Variants in RALGAPA2 observed in about 807,000 individuals in gnomAD.
The protein encoded by RALGAPA2 is Ral GTPase activating protein catalytic subunit alpha 2, also known as ral GTPase-activating protein subunit alpha-2.
RALGAPA2 carries 139 observed loss-of-function variants against 230.4 expected under a neutral mutation model. The ratio of observed to expected loss-of-function variants is 0.60; its 90% CI spans 0.53 to 0.69. The LOEUF (loss-of-function observed/expected upper bound fraction) is 0.69, where lower values mean the gene tolerates loss of function less well. Among genes scored for constraint, RALGAPA2 ranks in the 30% least tolerant of loss-of-function variants. The pLI is 0.00. For synonymous variants in RALGAPA2, 847 were observed against 837.8 expected (o/e 1.01, Z -0.19); for missense variants, 2,163 against 2,276.0 (o/e 0.95, Z 1.01).
intron 35 of RALGAPA2, among the ~76,000 whole-genome samples, chr20:20,501,230 T>C (rs2062366590): frequency 6.6e-6 from 1 of 152,262 alleles, no homozygotes; most frequent in Non-Finnish European, 1.5e-5. Flanking sequence ...TTTTCCTCTC[T>C]AGTTATGAAA....
rs540468135 is a variant in RALGAPA2 at position 20,490,239 on chromosome 20, T to C, written c.5367+4878A>G. 2.6e-5 allele frequency among the ~76,000 whole-genome samples: 4 copies of C among 152,346 alleles called. No individual in the cohort carries two copies. In the South Asian group the frequency reaches 6.2e-4, roughly 24 times the overall value. On this transcript the variant is annotated intron_variant, in intron 36 of 39. Transcript: ENST00000202677. The stretch of plus-strand genomic sequence containing the variant: ...ATACAAATCCCCTGTATCTAGGGAA[T>C]TCCTCTAATTAGAAGTGGCAATGAA...
At chr20:20,605,585 T>C (rs2065794841) in intron 14 of RALGAPA2, among the ~76,000 whole-genome samples, 173 bp from the exon 15 acceptor site, 2 of 152,204 alleles carry the variant, frequency 1.3e-5, no homozygotes, top group South Asian at 4.1e-4. Flanking sequence ...ATAATCAAAA[T>C]TTAAGCTATT....
At chr20:20,412,490 A>T (rs1165756521) in intron 37 of RALGAPA2, among the ~76,000 whole-genome samples, 1 of 152,152 alleles carries the variant, frequency 6.6e-6, no homozygotes, top group Non-Finnish European at 1.5e-5. Flanking sequence ...ACAGTGGTAG[A>T]TCTTTTACAT....
At chr20:20,645,201 A>G (rs1199253460) in intron 4 of RALGAPA2, among the ~76,000 whole-genome samples, 4 of 125,574 alleles carry the variant, frequency 3.2e-5, no homozygotes, top group Non-Finnish European at 6.3e-5. Context: ...TGCAACCTCC[A>G]CCTCCTGGGT....
chr20:20,394,889 C>CAAAAAAAA (rs10673778), intron 39 of RALGAPA2, among the ~76,000 whole-genome samples: 11 of 44,646 alleles, frequency 2.5e-4, no homozygotes, highest in Non-Finnish European at 3.5e-4. Flanking sequence ...AATAAATAAG[C>CAAAAAAAA]AAAAAAAAAA....
intron 23 of RALGAPA2, among the ~76,000 whole-genome samples, chr20:20,562,065 C>T (rs969567122): frequency 2.6e-5 from 4 of 152,198 alleles, no homozygotes; most frequent in African/African-American, 9.7e-5. Context: ...TAATGCCTGC[C>T]TTGAAACTGA....
intron 36 of RALGAPA2, among the ~76,000 whole-genome samples, chr20:20,493,694 A>G (rs1461670800): frequency 4.6e-5 from 7 of 152,224 alleles, no homozygotes; most frequent in Admixed American, 6.5e-5. Context: ...TTTGAAAGCT[A>G]TAAGACACTA....
At chr20:20,485,488 T>C (rs113842731) in intron 36 of RALGAPA2, among the ~76,000 whole-genome samples, 22 of 152,366 alleles carry the variant, frequency 1.4e-4, no homozygotes, top group African/African-American at 4.6e-4. Context: ...ATTTTATTCA[T>C]TGTCCTTATT....
rs144767228 is a variant in RALGAPA2 at position 20,611,750 on chromosome 20, A to C, written c.1689-324T>G. ...CTGTGCCAGCAGCTTAAAGGTACTC[A>C]GTGAAAACCTACTGGAACATATGCA... On this transcript the variant is annotated intron_variant, in intron 13 of 39. Coordinates refer to ENST00000202677, the MANE Select transcript of RALGAPA2 (RefSeq NM_020343.4). Among the ~76,000 whole-genome samples the C allele has an allele frequency of 5.3e-3, 813 of 152,316 alleles. 6 individuals carry two copies. Among genetic ancestry groups the C allele is most frequent in the African/African-American group, 0.019 (775 of 41,572 alleles).
intron 9 of RALGAPA2, 60 bp from the exon 10 acceptor site, chr20:20,629,650 A>T: frequency 6.4e-7 from 1 of 1,551,464 alleles, no homozygotes; most frequent in Non-Finnish European, 8.9e-7. Flanking sequence ...ACACCTGGCA[A>T]AACTTCAGTC....
chr20:20,492,419 G>A (rs558547686), intron 36 of RALGAPA2, among the ~76,000 whole-genome samples: 70 of 152,170 alleles, frequency 4.6e-4, no homozygotes, highest in African/African-American at 1.6e-3. Flanking sequence ...AAGCAGCTGC[G>A]TCATTACAAT....
Position 20,495,315 on chromosome 20 carries a change from ACAG to A in RALGAPA2, c.5209-43_5209-41del, listed in dbSNP as rs768681796. ...TGACTGTTTATTAATCAGGGTGATA[ACAG>A]CAGTTTATGAGGGGTCATGGCTTAC... On this transcript the variant is annotated intron_variant, in intron 35 of 39. Coordinates refer to ENST00000202677, the MANE Select transcript of RALGAPA2 (RefSeq NM_020343.4). 2.5e-5 allele frequency: 36 copies of A among 1,447,106 alleles called. No individual in the cohort carries two copies. The South Asian group carries it at 4.5e-4, about 18-fold the overall frequency. The allele number at this position is 1,447,106 out of a possible 1,614,324, so 89.6% of individuals were successfully genotyped here.
chr20:20,619,320 T>C lies in RALGAPA2; in HGVS notation c.1496A>G (p.Glu499Gly), dbSNP rs369357571. The C allele has an allele frequency of 4.3e-6, 7 of 1,611,228 alleles. No homozygotes were observed. In the African/African-American group the frequency reaches 8.0e-5, roughly 18 times the overall value. ...GCCGGCTTTCACATTTGTATTTTCC[T>C]CCTCTGTCACACACCCTCTGCTCAT... ...SAMSRGCVTE[E>G]ENTNVKAGVQ... is the part of the protein sequence containing the mutation. The change falls in exon 12 of 40, where the codon GAG becomes GGG. Residue 499 changes from glutamate to glycine, a missense_variant. Transcript: ENST00000202677.
rs1020615774 is a variant in RALGAPA2 at position 20,462,962 on chromosome 20, A to G, written c.5495+9867T>C. Among the ~76,000 whole-genome samples the G allele has an allele frequency of 5.3e-5, 8 of 152,190 alleles. 1 individual carries two copies. Among genetic ancestry groups the G allele is most frequent in the Admixed American group, 5.2e-4 (8 of 15,282 alleles). On this transcript the variant is annotated intron_variant, in intron 37 of 39. Transcript: ENST00000202677. ...TGTTTATGGCATTCTGTTCCTTTCAACATGGGACTGATAATTAGTAAACTG... is the reference window on the plus strand; with the variant it reads ...TGTTTATGGCATTCTGTTCCTTTCAGCATGGGACTGATAATTAGTAAACTG...
At position 20,603,870 on chromosome 20, in the gene RALGAPA2, G is replaced by T. The variant is rs137949769; in HGVS notation, c.2038+1305C>A. 1.1e-4 allele frequency among the ~76,000 whole-genome samples: 17 copies of T among 152,214 alleles called. No homozygotes were observed. The East Asian group carries it at 3.3e-3, about 29-fold the overall frequency. On this transcript the variant is annotated intron_variant, in intron 15 of 39. Coordinates refer to ENST00000202677, the MANE Select transcript of RALGAPA2 (RefSeq NM_020343.4). ...CACTGATACTGTCTATAAGGCAGCT[G>T]GTATTATTAAAGGGTAGTCTACACA...
intron 37 of RALGAPA2, among the ~76,000 whole-genome samples, chr20:20,445,740 T>C (rs1410903882): frequency 6.6e-6 from 1 of 152,200 alleles, no homozygotes; most frequent in Admixed American, 6.5e-5. Context: ...TAATTTTCAT[T>C]ATAAATAAAT....
In RALGAPA2 at chr20:20,712,344, C is replaced by A; in HGVS notation, c.106+31G>T. ...CCCGGCAGGTGCCCCTAACCCGGCG[C>A]CCCGACCCCCGCGCCCGGCGCGCGC... On this transcript the variant is annotated intron_variant, in intron 1 of 39. Coordinates refer to ENST00000202677, the MANE Select transcript of RALGAPA2 (RefSeq NM_020343.4). This position sits in a 1 kb window ranked among gnomAD's most constrained non-coding sequence, Gnocchi z 5.5. The A allele has an allele frequency of 6.5e-7, 1 of 1,543,528 alleles. No individual in the cohort carries two copies. Among genetic ancestry groups the A allele is most frequent in the Non-Finnish European group, 8.7e-7 (1 of 1,143,490 alleles).
intron 16 of RALGAPA2, among the ~76,000 whole-genome samples, chr20:20,601,174 T>C (rs748432085): frequency 2.6e-5 from 4 of 152,168 alleles, no homozygotes; most frequent in Non-Finnish European, 5.9e-5. Context: ...GTAGTCCAAT[T>C]AACTGGGGGT....
intron 10 of RALGAPA2, among the ~76,000 whole-genome samples, chr20:20,625,201 C>G (rs1026039039): frequency 6.6e-6 from 1 of 152,296 alleles, no homozygotes; most frequent in South Asian, 2.1e-4. Flanking sequence ...CTGTACACCC[C>G]CCTGTCTCTC....
Sources: gnomAD v4.1 joint callset for allele counts (sites outside exome capture counted in the v4.1 genomes callset) on GRCh38, gnomAD v4.1.1 for gene constraint, Gnocchi (gnomAD v3.1) non-coding constraint, MANE v1.5 for transcripts, NCBI Gene and HGNC (gene_info 2026-07-23, HGNC 2026-07-21) for gene names.